Variants in GAD2 observed in about 807,000 individuals in gnomAD.
GAD2 encodes the protein 65 kDa glutamic acid decarboxylase.
GAD2 carries 22 observed loss-of-function variants against 80.1 expected under a neutral mutation model. The observed-to-expected ratio is 0.27, with a 90% CI of 0.20 to 0.39. The LOEUF (loss-of-function observed/expected upper bound fraction) is 0.39. Among genes scored for constraint, GAD2 ranks in the 10% least tolerant of loss-of-function variants. GAD2 has a pLI of 1.00. For synonymous variants in GAD2, 274 were observed against 256.9 expected (o/e 1.07, Z -0.64); for missense variants, 624 against 738.4 (o/e 0.85, Z 1.80).
chr10:26,228,247 C>T (rs1319912406), intron 6 of GAD2, among the ~76,000 whole-genome samples: 1 of 152,234 alleles, frequency 6.6e-6, no homozygotes, highest in African/African-American at 2.4e-5. Flanking sequence ...AACTTCCCAA[C>T]AGCCCTGCAT....
intron 4 of GAD2, 34 bp downstream of exon 4, chr10:26,219,310 T>A: frequency 7.6e-7 from 1 of 1,322,564 alleles, no homozygotes; most frequent in Non-Finnish European, 1.0e-6. Context: ...AAGCTCTTTT[T>A]TCGTTTACAA....
chr10:26,282,678 C>G (rs987764826), intron 12 of GAD2, among the ~76,000 whole-genome samples: 1 of 152,066 alleles, frequency 6.6e-6, no homozygotes. Context: ...AAACATATAC[C>G]TTTGATCACA....
chr10:26,223,704 T>C (rs1844482530), intron 4 of GAD2, among the ~76,000 whole-genome samples, 183 bp from the exon 5 acceptor site: 1 of 149,190 alleles, frequency 6.7e-6, no homozygotes, highest in Non-Finnish European at 1.5e-5. Flanking sequence ...TGTGTGTGTA[T>C]GTGCATGTGT....
intron 13 of GAD2, among the ~76,000 whole-genome samples, chr10:26,291,834 A>T (rs1834216830): frequency 6.6e-6 from 1 of 152,248 alleles, no homozygotes; most frequent in Admixed American, 6.5e-5. Context: ...AGAGCCAGAA[A>T]CTAAAAGAAA....
intron 7 of GAD2, 134 bp from the exon 8 acceptor site, chr10:26,245,787 T>C (rs1844801577): frequency 8.6e-6 from 6 of 694,626 alleles, no homozygotes; most frequent in Non-Finnish European, 1.2e-5. Flanking sequence ...GATGCCATCT[T>C]CTCTCAGCAG....
chr10:26,217,581 G>A lies in GAD2; in HGVS notation c.77-29G>A. 2 of 1,600,712 alleles carry A rather than the reference G, an allele frequency of 1.2e-6. No individual in the cohort carries two copies. Among genetic ancestry groups the A allele is most frequent in the South Asian group, 2.2e-5 (2 of 89,042 alleles). ...CCGTCTGTTGTTCTCTTTCTGCCTCGCTGTCTGCCTGCCTATTCTTCCTTG... is the reference window on the plus strand; with the variant it reads ...CCGTCTGTTGTTCTCTTTCTGCCTCACTGTCTGCCTGCCTATTCTTCCTTG... On this transcript the variant is annotated intron_variant, in intron 1 of 15. Transcript: ENST00000376261. The surrounding 1 kb of genome is among the most constrained non-coding windows in gnomAD (Gnocchi z 4.9).
intron 4 of GAD2, among the ~76,000 whole-genome samples, chr10:26,219,787 A>G (rs974790218): frequency 6.6e-6 from 1 of 152,202 alleles, no homozygotes; most frequent in Non-Finnish European, 1.5e-5. Flanking sequence ...AACCTTTCAG[A>G]TTTGAATTCA....
chr10:26,225,085 A>G (rs990009334), intron 6 of GAD2, among the ~76,000 whole-genome samples: 2 of 152,254 alleles, frequency 1.3e-5, no homozygotes, highest in Admixed American at 1.3e-4. Flanking sequence ...AGTAGAGCAT[A>G]TGGACCACTC....
chr10:26,300,802 T>G lies in GAD2; in HGVS notation c.1599T>G (p.Ile533Met), dbSNP rs1834320810. 6.2e-7 allele frequency: 1 copy of G among 1,613,678 alleles called. No homozygotes were observed. The highest frequency in any genetic ancestry group is 1.1e-5 in the South Asian group (1 of 91,052). ...CTGTCCCACAGGTGGCTCCAGTGAT[T>G]AAAGCCAGAATGATGGAGTATGGAA... ...MSRLSKVAPV[I>M]KARMMEYGTT... The change falls in exon 16 of 16, where the codon ATT becomes ATG. Residue 533 changes from isoleucine to methionine, a missense_variant. Coordinates refer to ENST00000376261, the MANE Select transcript of GAD2 (RefSeq NM_001134366.2).
intron 7 of GAD2, among the ~76,000 whole-genome samples, chr10:26,240,731 C>CA (rs35729928): frequency 0.075 from 9,246 of 123,176 alleles, 667 homozygotes; most frequent in African/African-American, 0.19. Flanking sequence ...GACTCCATCA[C>CA]AAAAAAAAAA....
intron 5 of GAD2, 56 bp from the exon 6 acceptor site, chr10:26,224,482 AT>A: frequency 2.0e-6 from 2 of 991,282 alleles, no homozygotes; most frequent in Non-Finnish European, 3.3e-6. Context: ...TATTGTAATG[AT>A]TGTAAATTAT....
At chr10:26,252,589 G>A (rs938626112) in intron 8 of GAD2, among the ~76,000 whole-genome samples, 1 of 152,110 alleles carries the variant, frequency 6.6e-6, no homozygotes, top group African/African-American at 2.4e-5. Context: ...GACCTCAGGT[G>A]ATCCACCCGC....
At chr10:26,268,462 TG>T (rs1845097501) in intron 8 of GAD2, among the ~76,000 whole-genome samples, 2 of 132,650 alleles carry the variant, frequency 1.5e-5, no homozygotes, top group South Asian at 4.7e-4. Context: ...AGCCAGACTC[TG>T]TCTCAAAAAA....
chr10:26,218,161 T>A, intron 3 of GAD2, 170 bp downstream of exon 3: 1 of 692,316 alleles, frequency 1.4e-6, no homozygotes, highest in Non-Finnish European at 2.3e-6. Flanking sequence ...ACCTGCCCGC[T>A]GGGTCCAAGC....
rs572255301 is a variant in GAD2 at position 26,302,970 on chromosome 10, G to C, written c.*2009G>C. The stretch of plus-strand genomic sequence containing the variant: ...TCTCAAAACTGCCTGCTGAGAATAA[G>C]CACATAGCTGCCCGACTATCCGGAG... On this transcript the variant is annotated 3_prime_UTR_variant, in exon 16 of 16. Coordinates refer to ENST00000376261, the MANE Select transcript of GAD2 (RefSeq NM_001134366.2). 2 of 152,250 alleles carry C rather than the reference G, an allele frequency of 1.3e-5. No individual in the cohort carries two copies. The highest frequency in any genetic ancestry group is 3.9e-4 in the East Asian group (2 of 5,170). 9.4% of individuals were successfully genotyped at this position (152,250 alleles called of 1,614,324 possible). A position where few individuals can be genotyped will look rare whatever the true frequency, so the allele number is the denominator to read the frequency against.
At position 26,281,240 on chromosome 10, in the gene GAD2, G is replaced by T. The variant is rs148379032; in HGVS notation, c.1236+153G>T. Among the ~76,000 whole-genome samples the T allele has an allele frequency of 3.9e-5, 6 of 152,218 alleles. No individual in the cohort carries two copies. The East Asian group carries it at 1.2e-3, about 29-fold the overall frequency. On this transcript the variant is annotated intron_variant, in intron 12 of 15. Coordinates refer to ENST00000376261, the MANE Select transcript of GAD2 (RefSeq NM_001134366.2). The stretch of plus-strand genomic sequence containing the variant: ...GCCCTTTCTAGATTCCTGTCTGCAG[G>T]GTGAAGGTCTGGTGCCTAACAGGGA...
At chr10:26,235,722 A>T (rs1168097802) in intron 7 of GAD2, among the ~76,000 whole-genome samples, 1 of 152,214 alleles carries the variant, frequency 6.6e-6, no homozygotes, top group African/African-American at 2.4e-5. Flanking sequence ...CTTGGCAAAA[A>T]TTAACTTGAT....
intron 8 of GAD2, among the ~76,000 whole-genome samples, chr10:26,265,394 G>A (rs1015754539): frequency 4.6e-5 from 7 of 151,950 alleles, no homozygotes; most frequent in Admixed American, 2.6e-4. Context: ...TAGTAGAGAC[G>A]AGGTTTCACC....
intron 13 of GAD2, among the ~76,000 whole-genome samples, chr10:26,291,944 T>TC (rs2132319740): frequency 6.6e-6 from 1 of 152,274 alleles, no homozygotes; most frequent in African/African-American, 2.4e-5. Context: ...ATCTGGGTGC[T>TC]CCCTAAAATT....
Sources: allele counts gnomAD v4.1 joint callset (sites outside exome capture counted in the v4.1 genomes callset), GRCh38; gene constraint gnomAD v4.1.1; non-coding constraint Gnocchi (gnomAD v3.1); transcripts MANE v1.5; gene names NCBI Gene and HGNC (gene_info 2026-07-23, HGNC 2026-07-21).